PRORP: variants seen among roughly 807,000 people sequenced by gnomAD.
PRORP encodes protein only RNase P catalytic subunit.
PRORP carries 51 observed loss-of-function variants against 59.4 expected under a neutral mutation model. That is an observed-to-expected ratio of 0.86 (90% CI 0.69 to 1.08). The LOEUF is 1.08. Ranked by LOEUF, PRORP falls within the 50% of genes least tolerant of loss-of-function variation. The pLI is 0.00. For synonymous variants in PRORP, 231 were observed against 245.6 expected (o/e 0.94, Z 0.55); for missense variants, 646 against 690.3 (o/e 0.94, Z 0.72).
intron 5 of PRORP, among the ~76,000 whole-genome samples, chr14:35,240,089 AAG>A (rs1368356989): frequency 2.7e-5 from 4 of 148,214 alleles, no homozygotes; most frequent in East Asian, 2.1e-4. Context: ...AAAAAAAAAA[AAG>A]AAGAAGAAAT....
At chr14:35,271,591 CAATTG>C (rs2051191917) in intron 7 of PRORP, among the ~76,000 whole-genome samples, 1 of 152,160 alleles carries the variant, frequency 6.6e-6, no homozygotes, top group South Asian at 2.1e-4. Context: ...ATGACAGTCT[CAATTG>C]AATTCTCCTT....
chr14:35,173,080 C>G (rs2048361488), intron 4 of PRORP, among the ~76,000 whole-genome samples: 1 of 151,986 alleles, frequency 6.6e-6, no homozygotes, highest in South Asian at 2.1e-4. Flanking sequence ...GTTGGCCGGG[C>G]TGGTCTTGAA....
At chr14:35,245,810 G>A (rs142031407) in intron 5 of PRORP, among the ~76,000 whole-genome samples, 126 of 152,142 alleles carry the variant, frequency 8.3e-4, no homozygotes, top group African/African-American at 2.9e-3. Context: ...TCCCATTACC[G>A]CTCTCCTGTA....
At chr14:35,126,654 G>C (rs968138018) in intron 2 of PRORP, 81 bp from the exon 3 acceptor site, 1 of 1,077,618 alleles carries the variant, frequency 9.3e-7, no homozygotes, top group African/African-American at 1.6e-5. Flanking sequence ...TTGCTTATAA[G>C]AGTTTCCAAA....
chr14:35,265,780 G>C (rs76895256), intron 5 of PRORP, among the ~76,000 whole-genome samples: 1 of 152,016 alleles, frequency 6.6e-6, no homozygotes, highest in Non-Finnish European at 1.5e-5. Context: ...AGGTTGAGCC[G>C]TTTGGGTCGA....
At chr14:35,230,537 C>T (rs2050050943) in intron 5 of PRORP, among the ~76,000 whole-genome samples, 1 of 152,142 alleles carries the variant, frequency 6.6e-6, no homozygotes, top group African/African-American at 2.4e-5. Flanking sequence ...CTGTGGGATT[C>T]ATTTAGTAAG....
At chr14:35,231,201 G>T (rs2050071477) in intron 5 of PRORP, among the ~76,000 whole-genome samples, 2 of 152,118 alleles carry the variant, frequency 1.3e-5, no homozygotes, top group Admixed American at 6.5e-5. Context: ...TGTCTGAGGA[G>T]AATATATACC....
At position 35,276,900 on chromosome 14, in the gene PRORP, A is replaced by T. The variant is rs2051301998; in HGVS notation, c.*3334A>T. ...GGAAGAAGGCTGAGTTTATTCTCTC[A>T]GGGCTCTGTTGGGTCTACCTCATCT... On this transcript the variant is annotated 3_prime_UTR_variant, in exon 8 of 8. Transcript: ENST00000534898. 6.6e-6 allele frequency: 1 copy of T among 152,200 alleles called. No homozygotes were observed. The highest frequency in any genetic ancestry group is 1.5e-5 in the Non-Finnish European group (1 of 68,046). 9.4% of individuals were successfully genotyped at this position (152,200 alleles called of 1,614,324 possible).
intron 5 of PRORP, among the ~76,000 whole-genome samples, chr14:35,200,724 G>C (rs1230883761): frequency 6.6e-6 from 1 of 151,668 alleles, no homozygotes; most frequent in Non-Finnish European, 1.5e-5. Context: ...TTTTAGAAAA[G>C]TTATAAATTT....
chr14:35,270,261 G>C, intron 6 of PRORP, 140 bp from the exon 7 acceptor site: 1 of 715,134 alleles, frequency 1.4e-6, no homozygotes, highest in Non-Finnish European at 2.3e-6. Flanking sequence ...CTTTGAGGTG[G>C]TTCTTAAGTA....
chr14:35,264,946 G>A lies in PRORP; in HGVS notation c.1276-1781G>A, dbSNP rs184593780. Among the ~76,000 whole-genome samples the A allele has an allele frequency of 5.9e-4, 90 of 152,212 alleles. 2 individuals carry two copies. Among genetic ancestry groups the A allele is most frequent in the Middle Eastern group, 3.4e-3 (1 of 294 alleles). On this transcript the variant is annotated intron_variant, in intron 5 of 7. Transcript: ENST00000534898. ...GGAGGTTGCAGTGAACTGAGATCGCGCCACTGCCCTCCAGCCTGGGCAACA... is the reference window on the plus strand; with the variant it reads ...GGAGGTTGCAGTGAACTGAGATCGCACCACTGCCCTCCAGCCTGGGCAACA...
At position 35,248,236 on chromosome 14, in the gene PRORP, C is replaced by G. The variant is rs140615718; in HGVS notation, c.1276-18491C>G. On this transcript the variant is annotated intron_variant, in intron 5 of 7. Coordinates refer to ENST00000534898, the MANE Select transcript of PRORP (RefSeq NM_014672.4). Reference sequence around the variant, plus strand: ...GAAGTAATAATATTTTGTATATATCCATATATCCATTTTTTCCCAAAGAGA... The same window carrying G: ...GAAGTAATAATATTTTGTATATATCGATATATCCATTTTTTCCCAAAGAGA... Among the ~76,000 whole-genome samples, 68 of 152,194 alleles carry G rather than the reference C, an allele frequency of 4.5e-4. 1 individual carries two copies. In the East Asian group the frequency reaches 0.013, roughly 28 times the overall value.
At chr14:35,206,372 G>A (rs2049295531) in intron 5 of PRORP, among the ~76,000 whole-genome samples, 1 of 152,118 alleles carries the variant, frequency 6.6e-6, no homozygotes, top group South Asian at 2.1e-4. Flanking sequence ...TGAGAATGTG[G>A]CCAGGCTTTA....
At chr14:35,129,990 T>C (rs1220223560) in intron 4 of PRORP, among the ~76,000 whole-genome samples, 1 of 152,044 alleles carries the variant, frequency 6.6e-6, no homozygotes, top group African/African-American at 2.4e-5. Flanking sequence ...TGAAAAGTTA[T>C]AGTCGTTATT....
chr14:35,190,405 G>GA (rs112931212), intron 5 of PRORP, among the ~76,000 whole-genome samples: 179 of 145,698 alleles, frequency 1.2e-3, no homozygotes, highest in Admixed American at 2.9e-3. Context: ...TCTCAAAAAG[G>GA]AAAAAAAAAA....
chr14:35,129,117 A>T (rs961800570), intron 4 of PRORP, among the ~76,000 whole-genome samples: 3 of 151,736 alleles, frequency 2.0e-5, no homozygotes, highest in Non-Finnish European at 4.4e-5. Context: ...TTGAGGCAGG[A>T]GAATCGCTTG....
At chr14:35,273,333 C>T in intron 7 of PRORP, 102 bp from the exon 8 acceptor site, 1 of 1,121,618 alleles carries the variant, frequency 8.9e-7, no homozygotes. Flanking sequence ...AATCCATTAT[C>T]AATACTCTTC....
At chr14:35,255,631 A>T (rs2050731458) in intron 5 of PRORP, among the ~76,000 whole-genome samples, 1 of 152,140 alleles carries the variant, frequency 6.6e-6, no homozygotes, top group Non-Finnish European at 1.5e-5. Flanking sequence ...CTCCTACCTC[A>T]GCATCCCAGG....
chr14:35,179,272 A>G (rs1401558086), intron 4 of PRORP, among the ~76,000 whole-genome samples: 3 of 152,134 alleles, frequency 2.0e-5, no homozygotes, highest in Non-Finnish European at 4.4e-5. Context: ...TATTTCCTGA[A>G]TTTGAATGGT....
Sources: gnomAD v4.1 joint callset for allele counts (sites outside exome capture counted in the v4.1 genomes callset) on GRCh38, gnomAD v4.1.1 for gene constraint, MANE v1.5 for transcripts, NCBI Gene and HGNC (gene_info 2026-07-23, HGNC 2026-07-21) for gene names.